The following SAR1B variants were observed in gnomAD, a reference collection of about 807,000 sequenced individuals.
SAR1B encodes the protein small COPII coat GTPase SAR1B.
SAR1B carries 23 observed loss-of-function variants against 26.8 expected under a neutral mutation model. The ratio of observed to expected loss-of-function variants is 0.86; its 90% CI spans 0.62 to 1.22. The LOEUF is 1.22. SAR1B is among the 50% of genes most tolerant of loss of function. The probability of loss-of-function intolerance (pLI) is 0.00; values close to 1 mark genes in which losing one functional copy is unlikely to be tolerated. For synonymous variants in SAR1B, 65 were observed against 80.8 expected (o/e 0.80, Z 1.05); for missense variants, 196 against 232.8 (o/e 0.84, Z 1.03).
In SAR1B at chr5:134,606,583, C is replaced by A; in HGVS notation, c.*367G>T. ...TAATCTAAAATTTAAAAACTAGTTC[C>A]AGAAAAGTACATAAAAAATTTAACA... On this transcript the variant is annotated 3_prime_UTR_variant, in exon 7 of 7. Transcript: ENST00000402673. The A allele has an allele frequency of 4.3e-6, 1 of 231,230 alleles. No homozygotes were observed. Among genetic ancestry groups the A allele is most frequent in the Non-Finnish European group, 8.8e-6 (1 of 114,118 alleles). The allele number at this position is 231,230 out of a possible 1,614,324, so 14.3% of individuals were successfully genotyped here. A position where few individuals can be genotyped will look rare whatever the true frequency, so the allele number is the denominator to read the frequency against.
At chr5:134,624,379 T>G (rs1487451587) in intron 1 of SAR1B, among the ~76,000 whole-genome samples, 1 of 151,826 alleles carries the variant, frequency 6.6e-6, no homozygotes, top group African/African-American at 2.4e-5. Context: ...ACTGTACTCC[T>G]GCATGGTGGT....
At chr5:134,624,601 T>C (rs1765464967) in intron 1 of SAR1B, among the ~76,000 whole-genome samples, 1 of 150,698 alleles carries the variant, frequency 6.6e-6, no homozygotes, top group African/African-American at 2.4e-5. Flanking sequence ...TAAAAAAATG[T>C]TGGAAATGGG....
In SAR1B at chr5:134,608,288, T is replaced by C. The variant is rs570224665; in HGVS notation, c.480+84A>G. Reference sequence around the variant, plus strand: ...TTCTTTAAGAAAATGATAATGGGCTTGTATAGTTGGACAATAGTAATTTAA... The same window carrying C: ...TTCTTTAAGAAAATGATAATGGGCTCGTATAGTTGGACAATAGTAATTTAA... On this transcript the variant is annotated intron_variant, in intron 6 of 6. Coordinates refer to ENST00000402673, the MANE Select transcript of SAR1B (RefSeq NM_016103.4). The C allele has an allele frequency of 5.1e-6, 7 of 1,362,090 alleles. No homozygotes were observed. The East Asian group carries it at 1.5e-4, about 29-fold the overall frequency. 84.4% of individuals were successfully genotyped at this position (1,362,090 alleles called of 1,614,324 possible).
rs930195814 is a variant in SAR1B, at chr5:134,624,874, T to C, written c.-18-837A>G. Among the ~76,000 whole-genome samples, 3 of 152,142 alleles carry C rather than the reference T, an allele frequency of 2.0e-5. No homozygotes were observed. The East Asian group carries it at 5.8e-4, about 29-fold the overall frequency. ...AACTCCTGACCTCAAGTGATTCGCCTGCCTCAGCCTCCAAAAGTGCTGGGA... is the reference window on the plus strand; with the variant it reads ...AACTCCTGACCTCAAGTGATTCGCCCGCCTCAGCCTCCAAAAGTGCTGGGA... On this transcript the variant is annotated intron_variant, in intron 1 of 6. Transcript: ENST00000402673.
At chr5:134,627,303 G>C (rs1376273437) in intron 1 of SAR1B, among the ~76,000 whole-genome samples, 1 of 150,772 alleles carries the variant, frequency 6.6e-6, no homozygotes, top group Non-Finnish European at 1.5e-5. Context: ...CGCCCTCCTT[G>C]GCCTCCCAAA....
At chr5:134,609,493 G>T in intron 5 of SAR1B, 78 bp downstream of exon 5, 1 of 1,153,246 alleles carries the variant, frequency 8.7e-7, no homozygotes, top group Non-Finnish European at 1.3e-6. Flanking sequence ...GCTGCACTCT[G>T]ATACCTGTAT....
chr5:134,614,023 C>T (rs1458373094), intron 3 of SAR1B: 1 of 152,088 alleles, frequency 6.6e-6, no homozygotes, highest in Non-Finnish European at 1.5e-5. Flanking sequence ...ATTTCCATTT[C>T]AGGCTGGGCA....
At chr5:134,626,105 C>G (rs1268263279) in intron 1 of SAR1B, among the ~76,000 whole-genome samples, 1 of 151,646 alleles carries the variant, frequency 6.6e-6, no homozygotes, top group South Asian at 2.1e-4. Context: ...TCAAGATCAG[C>G]CTGGCCAACG....
chr5:134,609,911 A>C (rs1199009498), intron 4 of SAR1B, among the ~76,000 whole-genome samples: 1 of 151,716 alleles, frequency 6.6e-6, no homozygotes, highest in Non-Finnish European at 1.5e-5. Context: ...TCCAATTATC[A>C]TATGTAAGGA....
chr5:134,624,085 T>G (rs1765457527), intron 1 of SAR1B, 48 bp from the exon 2 acceptor site: 1 of 1,000,228 alleles, frequency 1.0e-6, no homozygotes, highest in Admixed American at 1.7e-5. Context: ...AACACCAATA[T>G]ACATTAAACT....
chr5:134,611,376 T>C (rs1281495947), intron 4 of SAR1B, among the ~76,000 whole-genome samples: 2 of 152,122 alleles, frequency 1.3e-5, no homozygotes, highest in Non-Finnish European at 2.9e-5. Flanking sequence ...GTAATATTGG[T>C]TAGTTATGAC....
chr5:134,611,589 A>T (rs1390991535), intron 4 of SAR1B, among the ~76,000 whole-genome samples: 1 of 152,016 alleles, frequency 6.6e-6, no homozygotes, highest in African/African-American at 2.4e-5. Flanking sequence ...AAACAAAACA[A>T]AAAACAGGAT....
intron 1 of SAR1B, among the ~76,000 whole-genome samples, chr5:134,626,281 A>T (rs991549548): frequency 2.8e-4 from 38 of 137,988 alleles, no homozygotes; most frequent in Non-Finnish European, 3.1e-5. Context: ...CCTGGGCCAC[A>T]GAGCAAGACT....
chr5:134,616,242 T>C (rs1765314821), intron 3 of SAR1B, among the ~76,000 whole-genome samples: 1 of 149,892 alleles, frequency 6.7e-6, no homozygotes, highest in African/African-American at 2.5e-5. Context: ...TTCGAGACCA[T>C]CCTGGCAAAC....
intron 1 of SAR1B, among the ~76,000 whole-genome samples, chr5:134,627,212 T>C (rs900803074): frequency 6.6e-6 from 1 of 151,850 alleles, no homozygotes; most frequent in Admixed American, 6.6e-5. Context: ...CCACCACGCC[T>C]GGCTAATTTT....
At position 134,606,893 on chromosome 5, in the gene SAR1B, C is replaced by T. The variant is rs1447785777; in HGVS notation, c.*57G>A. Reference sequence around the variant, plus strand: ...TTGAATTCAAGTTATGCATGTTGAGCAATCAAATCTCTGAGTAAGCCTGAA... The same window carrying T: ...TTGAATTCAAGTTATGCATGTTGAGTAATCAAATCTCTGAGTAAGCCTGAA... On this transcript the variant is annotated 3_prime_UTR_variant, in exon 7 of 7. Coordinates refer to ENST00000402673, the MANE Select transcript of SAR1B (RefSeq NM_016103.4). 13 of 1,070,614 alleles carry T rather than the reference C, an allele frequency of 1.2e-5. No homozygotes were observed. The highest frequency in any genetic ancestry group is 1.9e-5 in the Non-Finnish European group (13 of 683,992). 66.3% of individuals were successfully genotyped at this position (1,070,614 alleles called of 1,614,324 possible).
In SAR1B at chr5:134,627,801, AAAATAAATAAATAAATAAAT is replaced by A. The variant is rs199626448; in HGVS notation, c.-18-3784_-18-3765del. Among the ~76,000 whole-genome samples the A allele has an allele frequency of 2.5e-4, 34 of 134,522 alleles. 1 individual carries two copies. Among genetic ancestry groups the A allele is most frequent in the Admixed American group, 1.1e-3 (14 of 12,872 alleles). 88.3% of individuals were successfully genotyped at this position (134,522 alleles called of 152,430 possible). A position where few individuals can be genotyped will look rare whatever the true frequency, so the allele number is the denominator to read the frequency against. On this transcript the variant is annotated intron_variant, in intron 1 of 6. Coordinates refer to ENST00000402673, the MANE Select transcript of SAR1B (RefSeq NM_016103.4). ...GCGACAGAGCGAGACTCCATCCCAAAAAATAAATAAATAAATAAATAAATAAATAAATAAATAAATAAAAC... is the reference window on the plus strand; with the variant it reads ...GCGACAGAGCGAGACTCCATCCCAAAAAATAAATAAATAAATAAATAAAAC...
intron 3 of SAR1B, chr5:134,614,420 A>G (rs1765274059): frequency 6.6e-6 from 1 of 152,152 alleles, no homozygotes; most frequent in Non-Finnish European, 1.5e-5. Context: ...ATTTTGTTGT[A>G]GTCTTTTGAA....
At position 134,612,746 on chromosome 5, in the gene SAR1B, T is replaced by A; in HGVS notation, c.189A>T (p.Glu63Asp). 1 of 1,592,802 alleles carries A rather than the reference T, an allele frequency of 6.3e-7. No individual in the cohort carries two copies. The highest frequency in any genetic ancestry group is 8.6e-7 in the Non-Finnish European group (1 of 1,168,974). Residue 63 changes from glutamate to aspartate, a missense_variant, in exon 4 of 7, where the codon GAA becomes GAT. Physicochemically the swap from Glu to Asp is conservative, Grantham distance 45. Coordinates refer to ENST00000402673, the MANE Select transcript of SAR1B (RefSeq NM_016103.4). ...HVPTLHPTSE[E>D]LTIAGMTFTT... ...TAAACGTCATGCCAGCAATGGTCAG[T>A]TCTTCGGAAGCTAAATAAGATTTTA...
Sources: gnomAD v4.1 joint callset for allele counts (sites outside exome capture counted in the v4.1 genomes callset) on GRCh38, gnomAD v4.1.1 for gene constraint, MANE v1.5 for transcripts, NCBI Gene and HGNC (gene_info 2026-07-23, HGNC 2026-07-21) for gene names.